Variants in CHCHD6 observed in about 807,000 individuals in gnomAD.
CHCHD6 encodes MICOS complex subunit MIC25.
In CHCHD6, 28 loss-of-function variants were observed where a neutral mutation model predicts 32.3. The ratio of observed to expected loss-of-function variants is 0.87; its 90% CI spans 0.64 to 1.19. The LOEUF (loss-of-function observed/expected upper bound fraction) is 1.19. Ranked by LOEUF, CHCHD6 falls within the 50% of genes most tolerant of loss-of-function variation. CHCHD6 has a pLI of 0.00. For synonymous variants in CHCHD6, 122 were observed against 117.5 expected (o/e 1.04, Z -0.25); for missense variants, 333 against 307.0 (o/e 1.08, Z -0.63).
At chr3:126,958,365 T>C (rs1234091224) in intron 7 of CHCHD6, among the ~76,000 whole-genome samples, 1 of 152,134 alleles carries the variant, frequency 6.6e-6, no homozygotes, top group African/African-American at 2.4e-5. Context: ...TGTGAAAATG[T>C]ATGGGAGAAA....
At chr3:126,720,871 T>C (rs1935250967) in intron 1 of CHCHD6, among the ~76,000 whole-genome samples, 1 of 152,144 alleles carries the variant, frequency 6.6e-6, no homozygotes, top group Admixed American at 6.5e-5. Context: ...CATTCTCCCA[T>C]ACACTGACTC....
rs560420195 is a variant in CHCHD6, at chr3:126,797,593, A to AT, written c.412-55046dup. 2.0e-4 allele frequency among the ~76,000 whole-genome samples: 30 copies of AT among 152,108 alleles called. 1 individual carries two copies. Among genetic ancestry groups the AT allele is most frequent in the East Asian group, 5.8e-4 (3 of 5,176 alleles). The stretch of plus-strand genomic sequence containing the variant: ...TTGGGACCTTTTGTTTTTCAAATGT[A>AT]TTTTTTTTAATACAGTAGTGACACA... On this transcript the variant is annotated intron_variant, in intron 4 of 7. Transcript: ENST00000290913.
chr3:126,834,966 G>T (rs1940793843), intron 4 of CHCHD6, among the ~76,000 whole-genome samples: 1 of 152,172 alleles, frequency 6.6e-6, no homozygotes, highest in African/African-American at 2.4e-5. Flanking sequence ...AGGAATAAGA[G>T]CTCCGCTGTG....
chr3:126,784,342 C>A (rs962787764), intron 4 of CHCHD6, among the ~76,000 whole-genome samples: 1 of 152,158 alleles, frequency 6.6e-6, no homozygotes, highest in African/African-American at 2.4e-5. Flanking sequence ...GAAAACTTCC[C>A]TGTTCTCAGC....
chr3:126,824,410 A>G (rs1940290557), intron 4 of CHCHD6, among the ~76,000 whole-genome samples: 1 of 148,190 alleles, frequency 6.7e-6, no homozygotes, highest in African/African-American at 2.5e-5. Context: ...AAAACTACAA[A>G]ATTAGCTGGG....
At chr3:126,878,494 A>G (rs904494748) in intron 5 of CHCHD6, among the ~76,000 whole-genome samples, 1 of 152,264 alleles carries the variant, frequency 6.6e-6, no homozygotes, top group Non-Finnish European at 1.5e-5. Context: ...TAGAATGCAC[A>G]GTGAATAATG....
chr3:126,845,925 T>C (rs7635056), intron 4 of CHCHD6, among the ~76,000 whole-genome samples: 50,598 of 152,058 alleles, frequency 0.33, 10,834 homozygotes, highest in African/African-American at 0.61. Flanking sequence ...TGAAAATTGA[T>C]CAAAGGCTTG....
chr3:126,803,757 T>A (rs1030859618), intron 4 of CHCHD6, among the ~76,000 whole-genome samples: 2 of 152,202 alleles, frequency 1.3e-5, no homozygotes, highest in African/African-American at 4.8e-5. Flanking sequence ...CAACGGAATA[T>A]ACATTTTTGT....
chr3:126,924,415 ACT>A (rs1475450888), intron 6 of CHCHD6, among the ~76,000 whole-genome samples: 1 of 152,200 alleles, frequency 6.6e-6, no homozygotes, highest in Non-Finnish European at 1.5e-5. Context: ...TCACACACAC[ACT>A]CTCACGTATA....
intron 4 of CHCHD6, among the ~76,000 whole-genome samples, chr3:126,823,945 C>A (rs779097330): frequency 6.6e-6 from 1 of 152,018 alleles, no homozygotes; most frequent in Non-Finnish European, 1.5e-5. Context: ...TGTGGTGGCA[C>A]GTGCCTATAG....
intron 5 of CHCHD6, among the ~76,000 whole-genome samples, chr3:126,902,204 A>C (rs1036716008): frequency 1.3e-5 from 2 of 152,330 alleles, no homozygotes; most frequent in Admixed American, 1.3e-4. Context: ...CTAGACCAGT[A>C]ATCAGGGTCT....
At chr3:126,730,113 G>T (rs368753101) in intron 2 of CHCHD6, among the ~76,000 whole-genome samples, 38 of 152,294 alleles carry the variant, frequency 2.5e-4, no homozygotes, top group African/African-American at 8.9e-4. Context: ...TGCAGACTCA[G>T]GTGGGTACTA....
chr3:126,756,005 A>C (rs1936943232), intron 4 of CHCHD6, among the ~76,000 whole-genome samples: 1 of 152,172 alleles, frequency 6.6e-6, no homozygotes, highest in African/African-American at 2.4e-5. Context: ...CTGGGAGGTT[A>C]GTAAACTGTC....
chr3:126,948,150 A>C (rs1025107987), intron 6 of CHCHD6, among the ~76,000 whole-genome samples: 1 of 152,142 alleles, frequency 6.6e-6, no homozygotes, highest in African/African-American at 2.4e-5. Context: ...AACGGGTCCA[A>C]CCCCTTTGCA....
chr3:126,792,786 A>G (rs1302405537), intron 4 of CHCHD6, among the ~76,000 whole-genome samples: 2 of 152,026 alleles, frequency 1.3e-5, no homozygotes, highest in Non-Finnish European at 2.9e-5. Flanking sequence ...CAGTTCTTCT[A>G]TATTCTTGTT....
intron 6 of CHCHD6, among the ~76,000 whole-genome samples, chr3:126,948,075 G>A (rs73209660): frequency 6.6e-6 from 1 of 152,152 alleles, no homozygotes; most frequent in Admixed American, 6.5e-5. Flanking sequence ...CTCAGAAAAC[G>A]ATCAGAGATA....
intron 6 of CHCHD6, among the ~76,000 whole-genome samples, chr3:126,929,894 G>A (rs2078379107): frequency 6.6e-6 from 1 of 152,178 alleles, no homozygotes; most frequent in African/African-American, 2.4e-5. Context: ...AACCTGCTAA[G>A]TATGCCTTCC....
At chr3:126,805,942 C>A (rs776863760) in intron 4 of CHCHD6, among the ~76,000 whole-genome samples, 4 of 152,124 alleles carry the variant, frequency 2.6e-5, no homozygotes, top group Non-Finnish European at 4.4e-5. Context: ...GAAAAACAAG[C>A]AATGGGGAAA....
rs189028457 is a variant in CHCHD6 at position 126,774,408 on chromosome 3, T to A, written c.411+41186T>A. On this transcript the variant is annotated intron_variant, in intron 4 of 7. Transcript: ENST00000290913. ...TTCATCATATTTCCCTCAGAAGTTA[T>A]ATCTTGTGTAAATATCATACGATAT... 3.3e-5 allele frequency among the ~76,000 whole-genome samples: 5 copies of A among 152,326 alleles called. No homozygotes were observed. In the East Asian group the frequency reaches 9.6e-4, roughly 29 times the overall value.
Sources: gnomAD v4.1 joint callset for allele counts (sites outside exome capture counted in the v4.1 genomes callset) on GRCh38, gnomAD v4.1.1 for gene constraint, MANE v1.5 for transcripts, NCBI Gene and HGNC (gene_info 2026-07-23, HGNC 2026-07-21) for gene names.